Variants in FRMPD4 observed in about 807,000 individuals in gnomAD.
The protein encoded by FRMPD4 is FERM and PDZ domain containing 4.
In FRMPD4, 22 loss-of-function variants were observed where a neutral mutation model predicts 94.1. That is an observed-to-expected ratio of 0.23 (90% CI 0.17 to 0.33). The LOEUF (loss-of-function observed/expected upper bound fraction) is 0.33. Among genes scored for constraint, FRMPD4 ranks in the 10% least tolerant of loss-of-function variants. The probability of loss-of-function intolerance (pLI) is 1.00; values close to 1 mark genes in which losing one functional copy is unlikely to be tolerated. For missense variants in FRMPD4, 1,111 were observed against 1,339.9 expected (o/e 0.83, Z 2.67); for synonymous variants, 631 against 548.6 (o/e 1.15, Z -2.10).
chrX:12,376,760 A>G (rs1351106472), intron 1 of FRMPD4, among the ~76,000 whole-genome samples: 3 of 112,760 alleles, frequency 2.7e-5, no homozygotes, highest in African/African-American at 9.7e-5. Flanking sequence ...GAATTTACCA[A>G]TTATTATTTG....
chrX:12,155,335 C>A (rs1182934723), intron 1 of FRMPD4, among the ~76,000 whole-genome samples: 2 of 111,122 alleles, frequency 1.8e-5, no homozygotes, highest in East Asian at 5.6e-4. Context: ...GCTTTATGAC[C>A]AAATTGAAAG....
At chrX:12,571,621 T>G (rs1005415219) in intron 2 of FRMPD4, among the ~76,000 whole-genome samples, 5 of 112,841 alleles carry the variant, frequency 4.4e-5, no homozygotes, top group African/African-American at 1.3e-4. Flanking sequence ...TTTTCTGGAG[T>G]GCTCAATTAG....
chrX:12,415,732 T>C (rs1004403311), intron 1 of FRMPD4, among the ~76,000 whole-genome samples: 1 of 112,336 alleles, frequency 8.9e-6, no homozygotes, highest in African/African-American at 3.2e-5. Context: ...GTCTTCCTGG[T>C]TTATTGCTCA....
intron 3 of FRMPD4, among the ~76,000 whole-genome samples, chrX:11,935,272 T>TTG (rs1460161987): frequency 4.5e-5 from 1 of 22,220 alleles, no homozygotes; most frequent in Non-Finnish European, 8.5e-5. Context: ...TTAATGTGTT[T>TTG]TTTTTTTTTT....
intron 1 of FRMPD4, among the ~76,000 whole-genome samples, chrX:12,183,180 C>T (rs1004012458): frequency 9.0e-6 from 1 of 111,566 alleles, no homozygotes; most frequent in Non-Finnish European, 1.9e-5. Context: ...TCCCTAGTTC[C>T]ACCACACCTG....
intron 1 of FRMPD4, among the ~76,000 whole-genome samples, chrX:12,452,613 T>C (rs1471199970): frequency 1.8e-5 from 2 of 112,232 alleles, no homozygotes; most frequent in African/African-American, 3.2e-5. Context: ...CAAAAAAAGA[T>C]TGAACATCTC....
intron 3 of FRMPD4, among the ~76,000 whole-genome samples, chrX:12,002,150 T>C: frequency 8.9e-6 from 1 of 111,806 alleles, no homozygotes. Context: ...TCATGCATTC[T>C]GTAGAGCATT....
chrX:12,499,225 T>A (rs915502338), intron 2 of FRMPD4, among the ~76,000 whole-genome samples: 1 of 112,139 alleles, frequency 8.9e-6, no homozygotes, highest in Non-Finnish European at 1.9e-5. Context: ...TGTAATTTTT[T>A]AAAAATCAGC....
chrX:12,600,797 C>T (rs1382444818), intron 2 of FRMPD4, among the ~76,000 whole-genome samples: 1 of 112,128 alleles, frequency 8.9e-6, no homozygotes, highest in Non-Finnish European at 1.9e-5. Context: ...TGCTATATTT[C>T]GTGCCAGTAT....
chrX:12,030,892 T>C (rs2054687830), intron 3 of FRMPD4, among the ~76,000 whole-genome samples: 1 of 112,149 alleles, frequency 8.9e-6, no homozygotes, highest in Non-Finnish European at 1.9e-5. Flanking sequence ...TTTTCTAAGG[T>C]ACTCTAACAG....
At chrX:12,314,101 A>C (rs144704399) in intron 1 of FRMPD4, among the ~76,000 whole-genome samples, 1,518 of 112,634 alleles carry the variant, frequency 0.013, 29 homozygotes, top group African/African-American at 0.047. Context: ...AAGCTTATAT[A>C]GTTCTCATTA....
At chrX:11,827,787 G>A (rs1397038462) in intron 1 of FRMPD4, among the ~76,000 whole-genome samples, 1 of 112,021 alleles carries the variant, frequency 8.9e-6, no homozygotes, top group East Asian at 2.8e-4. Context: ...CAGATGCATG[G>A]ACAGCGTATC....
intron 1 of FRMPD4, among the ~76,000 whole-genome samples, chrX:11,842,496 T>C (rs1343032163): frequency 1.1e-5 from 1 of 88,580 alleles, no homozygotes; most frequent in Non-Finnish European, 2.2e-5. Context: ...AGGTATTTTA[T>C]TCTCTTTGAA....
chrX:12,543,438 C>T (rs2058438762), intron 2 of FRMPD4, among the ~76,000 whole-genome samples: 1 of 112,228 alleles, frequency 8.9e-6, no homozygotes, highest in African/African-American at 3.2e-5. Flanking sequence ...AGGATATGAA[C>T]AGACACTTCT....
intron 1 of FRMPD4, among the ~76,000 whole-genome samples, chrX:12,343,888 T>C (rs993578764): frequency 8.9e-6 from 1 of 112,408 alleles, no homozygotes; most frequent in Non-Finnish European, 1.9e-5. Context: ...TCCGTATTTA[T>C]GTCCCAAAGT....
chrX:12,583,267 A>C (rs2058887538), intron 2 of FRMPD4: 2 of 371,158 alleles, frequency 5.4e-6, no homozygotes, highest in African/African-American at 5.1e-5. Flanking sequence ...AAAGTGTATT[A>C]AAATCATGAA....
At chrX:12,320,393 G>C (rs2055190612) in intron 1 of FRMPD4, among the ~76,000 whole-genome samples, 1 of 111,124 alleles carries the variant, frequency 9.0e-6, no homozygotes, top group Non-Finnish European at 1.9e-5. Flanking sequence ...TTTCCCTCTG[G>C]TGCAGGAGAG....
chrX:12,046,949 T>G (rs1461038312), intron 3 of FRMPD4, among the ~76,000 whole-genome samples: 1 of 111,104 alleles, frequency 9.0e-6, no homozygotes, highest in Admixed American at 9.6e-5. Context: ...CCAGCCCCAC[T>G]CTGAACCTAT....
intron 1 of FRMPD4, among the ~76,000 whole-genome samples, chrX:12,450,129 TA>T (rs953217410): frequency 6.7e-4 from 73 of 108,788 alleles, no homozygotes; most frequent in Non-Finnish European, 9.0e-4. Flanking sequence ...AAGGAATGAT[TA>T]AAAAAAAATA....
Sources: gnomAD v4.1 joint callset for allele counts (sites outside exome capture counted in the v4.1 genomes callset) on GRCh38, gnomAD v4.1.1 for gene constraint, MANE v1.5 for transcripts, NCBI Gene and HGNC (gene_info 2026-07-23, HGNC 2026-07-21) for gene names.